The following SOX6 variants were observed in gnomAD, a reference collection of about 807,000 sequenced individuals.
The protein encoded by SOX6 is transcription factor SOX-6.
SOX6 carries 11 observed loss-of-function variants against 97.8 expected under a neutral mutation model. The ratio of observed to expected loss-of-function variants is 0.11; its 90% CI spans 0.07 to 0.19. The LOEUF is 0.19. Among genes scored for constraint, SOX6 ranks in the 10% least tolerant of loss-of-function variants. The pLI is 1.00. For missense variants in SOX6, 810 were observed against 1,039.5 expected (o/e 0.78, Z 3.04); for synonymous variants, 360 against 371.4 (o/e 0.97, Z 0.35).
chr11:16,347,233 T>C (rs984298661), intron 1 of SOX6, among the ~76,000 whole-genome samples: 1 of 152,158 alleles, frequency 6.6e-6, no homozygotes, highest in Non-Finnish European at 1.5e-5. Context: ...CCTGAGTATC[T>C]GGTTTCTTCC....
At chr11:16,506,074 G>A (rs552170654) in intron 4 of SOX6, among the ~76,000 whole-genome samples, 5 of 152,344 alleles carry the variant, frequency 3.3e-5, no homozygotes, top group African/African-American at 9.6e-5. Flanking sequence ...TAGTAGAGAT[G>A]TGAGAAGGGG....
intron 4 of SOX6, among the ~76,000 whole-genome samples, chr11:16,608,076 G>C (rs549853461): frequency 2.0e-5 from 3 of 152,124 alleles, no homozygotes; most frequent in African/African-American, 7.2e-5. Flanking sequence ...GGTCAGAGGA[G>C]AATGGGGACA....
At chr11:16,637,959 A>C (rs1046717742) in intron 3 of SOX6, among the ~76,000 whole-genome samples, 4 of 151,462 alleles carry the variant, frequency 2.6e-5, no homozygotes, top group African/African-American at 9.7e-5. Flanking sequence ...CATGTGCACA[A>C]TGTGCAGGTT....
At chr11:16,533,060 T>A (rs1861259578) in intron 4 of SOX6, among the ~76,000 whole-genome samples, 1 of 151,928 alleles carries the variant, frequency 6.6e-6, no homozygotes, top group Non-Finnish European at 1.5e-5. Context: ...ATCACTAAAT[T>A]AAAATTTCAT....
At chr11:16,450,497 C>T (rs1023631441) in intron 1 of SOX6, among the ~76,000 whole-genome samples, 1 of 152,186 alleles carries the variant, frequency 6.6e-6, no homozygotes, top group African/African-American at 2.4e-5. Context: ...TTGGATGCTG[C>T]CTTTAAAAAC....
chr11:16,442,865 G>C (rs1554967604), intron 1 of SOX6, among the ~76,000 whole-genome samples: 7 of 152,032 alleles, frequency 4.6e-5, no homozygotes, highest in Non-Finnish European at 1.0e-4. Flanking sequence ...TAATTCCCTA[G>C]AAAAATACGT....
intron 3 of SOX6, among the ~76,000 whole-genome samples, chr11:16,656,877 A>G (rs1323799607): frequency 2.0e-5 from 3 of 152,184 alleles, no homozygotes; most frequent in African/African-American, 7.2e-5. Context: ...CATATATCTC[A>G]CTATCCCGGC....
At chr11:16,229,636 A>T (rs1037965245) in intron 4 of SOX6, among the ~76,000 whole-genome samples, 1 of 151,952 alleles carries the variant, frequency 6.6e-6, no homozygotes, top group Non-Finnish European at 1.5e-5. Flanking sequence ...TATGTATATG[A>T]AGTCAATGAG....
chr11:16,588,307 T>C (rs1336654532), intron 4 of SOX6, among the ~76,000 whole-genome samples: 3 of 152,202 alleles, frequency 2.0e-5, no homozygotes, highest in Non-Finnish European at 2.9e-5. Flanking sequence ...ACGAAAGAAC[T>C]AATTCCTAGA....
intron 4 of SOX6, among the ~76,000 whole-genome samples, chr11:16,591,437 G>A (rs1421649023): frequency 6.6e-6 from 1 of 151,970 alleles, no homozygotes; most frequent in Admixed American, 6.6e-5. Flanking sequence ...AACTTAATCT[G>A]GTCTTCAAGG....
At chr11:16,013,151 A>G (rs1160759630) in intron 13 of SOX6, among the ~76,000 whole-genome samples, 1 of 152,090 alleles carries the variant, frequency 6.6e-6, no homozygotes, top group Non-Finnish European at 1.5e-5. Flanking sequence ...GCAAATGAAA[A>G]AGTGTGAATG....
intron 1 of SOX6, among the ~76,000 whole-genome samples, chr11:16,473,469 G>C (rs754081671): frequency 2.4e-4 from 37 of 151,916 alleles, no homozygotes; most frequent in Admixed American, 3.9e-4. Context: ...ATGGGTGGAG[G>C]CTCTTGTTTT....
At chr11:16,729,618 C>T (rs1196826213) in intron 2 of SOX6, among the ~76,000 whole-genome samples, 1 of 152,068 alleles carries the variant, frequency 6.6e-6, no homozygotes, top group Non-Finnish European at 1.5e-5. Flanking sequence ...CCAGCCACTG[C>T]AAAAACATAC....
intron 12 of SOX6, among the ~76,000 whole-genome samples, chr11:16,033,364 CA>C (rs1855432485): frequency 1.3e-5 from 2 of 152,166 alleles, no homozygotes; most frequent in Admixed American, 1.3e-4. Flanking sequence ...CCCCAGGTGG[CA>C]TACCTAGTAA....
rs774770291 is a variant in SOX6 at position 16,318,565 on chromosome 11, C to T, written c.326G>A (p.Arg109His). Reference sequence around the variant, plus strand: ...AAAAGTAACACTGGTCATTATCTCACGGTCCCGACTCCCTTCGTCAGGCTT... The same window carrying T: ...AAAAGTAACACTGGTCATTATCTCATGGTCCCGACTCCCTTCGTCAGGCTT... ...PHKPDEGSRD[R>H]EIMTSVTFGT... Residue 109 changes from arginine (R) to histidine (H), a missense_variant, in exon 3 of 16, where the codon CGT becomes CAT. Arg to His is a conservative substitution (Grantham distance 29). Transcript: ENST00000683767. The T allele has an allele frequency of 1.8e-5, 29 of 1,613,524 alleles. No homozygotes were observed. Among genetic ancestry groups the T allele is most frequent in the South Asian group, 1.5e-4 (14 of 91,074 alleles).
intron 1 of SOX6, among the ~76,000 whole-genome samples, chr11:16,459,917 A>G (rs1859887408): frequency 6.6e-6 from 1 of 151,930 alleles, no homozygotes; most frequent in South Asian, 2.1e-4. Flanking sequence ...ATAATGGCTG[A>G]AAATTTTCCA....
At chr11:16,024,042 G>A (rs959671720) in intron 12 of SOX6, among the ~76,000 whole-genome samples, 1 of 152,130 alleles carries the variant, frequency 6.6e-6, no homozygotes, top group African/African-American at 2.4e-5. Flanking sequence ...GCAGTGGTTA[G>A]GTTAAAATGA....
intron 1 of SOX6, among the ~76,000 whole-genome samples, chr11:16,414,824 A>G (rs746863406): frequency 2.4e-4 from 37 of 152,112 alleles, no homozygotes; most frequent in Non-Finnish European, 1.8e-4. Flanking sequence ...GAAAATACAA[A>G]CTGCTTCTAT....
At chr11:16,598,815 C>T (rs1209368596) in intron 4 of SOX6, among the ~76,000 whole-genome samples, 1 of 151,914 alleles carries the variant, frequency 6.6e-6, no homozygotes, top group African/African-American at 2.4e-5. Flanking sequence ...AGCATAAAGT[C>T]CCTTTTTACA....
Sources: allele counts gnomAD v4.1 joint callset (sites outside exome capture counted in the v4.1 genomes callset), GRCh38; gene constraint gnomAD v4.1.1; transcripts MANE v1.5; gene names NCBI Gene and HGNC (gene_info 2026-07-23, HGNC 2026-07-21).